Variants in CTNND2 observed in about 807,000 individuals in gnomAD.
CTNND2 encodes catenin delta-2.
Under a neutral mutation model 144.4 loss-of-function variants are expected in CTNND2, and 22 were observed. The ratio of observed to expected loss-of-function variants is 0.15; its 90% CI spans 0.11 to 0.22. The LOEUF (loss-of-function observed/expected upper bound fraction) is 0.22, where lower values mean the gene tolerates loss of function less well. CTNND2 is among the 10% of genes least tolerant of loss of function. The pLI, the probability that CTNND2 is intolerant of heterozygous loss-of-function variation, is 1.00. For synonymous variants in CTNND2, 751 were observed against 695.6 expected (o/e 1.08, Z -1.25); for missense variants, 1,353 against 1,618.8 (o/e 0.84, Z 2.82).
chr5:11,540,064 C>T (rs970183812), intron 3 of CTNND2, among the ~76,000 whole-genome samples: 3 of 151,828 alleles, frequency 2.0e-5, no homozygotes, highest in Non-Finnish European at 4.4e-5. Flanking sequence ...TAAAAATAAA[C>T]GTATAAATAC....
intron 2 of CTNND2, among the ~76,000 whole-genome samples, chr5:11,591,806 T>C (rs950722399): frequency 6.6e-6 from 1 of 152,226 alleles, no homozygotes; most frequent in African/African-American, 2.4e-5. Flanking sequence ...TTACTTTTTA[T>C]GGACAATGTC....
At chr5:11,068,677 A>G (rs1747879778) in intron 16 of CTNND2, among the ~76,000 whole-genome samples, 2 of 152,238 alleles carry the variant, frequency 1.3e-5, no homozygotes, top group African/African-American at 4.8e-5. Context: ...GCACTTTGGG[A>G]AGCCGAGGCG....
intron 1 of CTNND2, among the ~76,000 whole-genome samples, chr5:11,739,608 C>T (rs1052846118): frequency 9.2e-5 from 14 of 152,104 alleles, no homozygotes; most frequent in Admixed American, 3.3e-4. Context: ...TGGGCAAAAA[C>T]TGGAAGCATT....
intron 18 of CTNND2, among the ~76,000 whole-genome samples, chr5:11,007,331 T>C (rs907499844): frequency 1.3e-5 from 2 of 151,976 alleles, no homozygotes; most frequent in African/African-American, 4.8e-5. Flanking sequence ...CTACATACCT[T>C]ACCAGCGGCC....
At chr5:11,673,339 T>C (rs1387142813) in intron 2 of CTNND2, among the ~76,000 whole-genome samples, 3 of 152,218 alleles carry the variant, frequency 2.0e-5, no homozygotes, top group African/African-American at 4.8e-5. Context: ...AATTAATTTA[T>C]AGATATAGCT....
intron 2 of CTNND2, among the ~76,000 whole-genome samples, chr5:11,713,583 C>CAAAAAAAA (rs1165519277): frequency 8.6e-5 from 5 of 57,866 alleles, no homozygotes; most frequent in African/African-American, 1.7e-4. Context: ...GACTCCATCT[C>CAAAAAAAA]AAAAAAAAAA....
chr5:11,892,691 TA>T (rs199579194), intron 1 of CTNND2, among the ~76,000 whole-genome samples: 113 of 142,966 alleles, frequency 7.9e-4, no homozygotes, highest in African/African-American at 1.8e-3. Flanking sequence ...GGGCCAGAGC[TA>T]AAAAAAAAAA....
At chr5:11,612,852 A>T (rs1278762209) in intron 2 of CTNND2, among the ~76,000 whole-genome samples, 1 of 152,200 alleles carries the variant, frequency 6.6e-6, no homozygotes, top group Non-Finnish European at 1.5e-5. Context: ...ATGAGCTATG[A>T]TAGTTCCACT....
At chr5:11,188,522 G>T (rs1735894503) in intron 11 of CTNND2, among the ~76,000 whole-genome samples, 1 of 152,208 alleles carries the variant, frequency 6.6e-6, no homozygotes, top group African/African-American at 2.4e-5. Context: ...ATACCTAGAT[G>T]ATGGGTTGCT....
intron 9 of CTNND2, among the ~76,000 whole-genome samples, chr5:11,287,558 C>A (rs1747880234): frequency 6.6e-6 from 1 of 152,190 alleles, no homozygotes; most frequent in Admixed American, 6.5e-5. Flanking sequence ...AGTTCATGGG[C>A]AAACACATAT....
chr5:11,742,978 A>G (rs902344986), intron 1 of CTNND2, among the ~76,000 whole-genome samples: 4 of 152,226 alleles, frequency 2.6e-5, no homozygotes, highest in Admixed American at 2.0e-4. Context: ...GCATCATGTC[A>G]TTCTCACTCA....
At chr5:11,602,774 AAATT>A (rs1227199036) in intron 2 of CTNND2, among the ~76,000 whole-genome samples, 2 of 146,330 alleles carry the variant, frequency 1.4e-5, no homozygotes, top group East Asian at 2.0e-4. Flanking sequence ...TAATAGATAT[AAATT>A]AATAGATATA....
At chr5:11,134,770 T>C (rs574579511) in intron 12 of CTNND2, among the ~76,000 whole-genome samples, 1 of 152,362 alleles carries the variant, frequency 6.6e-6, no homozygotes, top group Admixed American at 6.5e-5. Context: ...TGACTTTTCT[T>C]GCTTTACTAC....
intron 2 of CTNND2, among the ~76,000 whole-genome samples, chr5:11,569,285 G>A (rs1316326227): frequency 2.0e-5 from 3 of 152,138 alleles, no homozygotes; most frequent in Non-Finnish European, 4.4e-5. Flanking sequence ...TCCCCACTAT[G>A]TGGAAATCAA....
chr5:11,553,078 T>C (rs1775906799), intron 3 of CTNND2, among the ~76,000 whole-genome samples: 1 of 152,158 alleles, frequency 6.6e-6, no homozygotes, highest in South Asian at 2.1e-4. Context: ...GTTTGAAGAG[T>C]ATCTATTCAA....
At chr5:11,412,005 G>T (rs1370488326) in intron 4 of CTNND2, 30 bp downstream of exon 4, 7 of 1,574,392 alleles carry the variant, frequency 4.4e-6, no homozygotes, top group Non-Finnish European at 6.1e-6. Flanking sequence ...GTTTAGAAGT[G>T]TAAGTGTTCA....
chr5:11,886,755 T>A (rs1397561135), intron 1 of CTNND2, among the ~76,000 whole-genome samples: 2 of 152,132 alleles, frequency 1.3e-5, no homozygotes, highest in Non-Finnish European at 2.9e-5. Context: ...GTAAGATGAT[T>A]CATAAAATAA....
At chr5:11,431,226 A>T (rs560315225) in intron 3 of CTNND2, among the ~76,000 whole-genome samples, 48 of 152,282 alleles carry the variant, frequency 3.2e-4, no homozygotes, top group Admixed American at 3.1e-3. Context: ...TGAAAGTCAC[A>T]TAACACTCTT....
intron 2 of CTNND2, among the ~76,000 whole-genome samples, chr5:11,580,510 G>C (rs1778343702): frequency 6.6e-6 from 1 of 152,110 alleles, no homozygotes; most frequent in Non-Finnish European, 1.5e-5. Context: ...GTCTTTTCTA[G>C]AGTTTTACAT....
Sources: allele counts gnomAD v4.1 joint callset (sites outside exome capture counted in the v4.1 genomes callset), GRCh38; gene constraint gnomAD v4.1.1; transcripts MANE v1.5; gene names NCBI Gene and HGNC (gene_info 2026-07-23, HGNC 2026-07-21).